The following OTOG variants were observed in gnomAD, a reference collection of about 807,000 sequenced individuals.
OTOG encodes the protein otogelin.
OTOG carries 296 observed loss-of-function variants against 313.8 expected under a neutral mutation model. The ratio of observed to expected loss-of-function variants is 0.94; its 90% CI spans 0.86 to 1.04. OTOG has a LOEUF of 1.04. OTOG is among the 50% of genes least tolerant of loss of function. The pLI is 0.00. For synonymous variants in OTOG, 1,533 were observed against 1,554.9 expected (o/e 0.99, Z 0.33); for missense variants, 3,948 against 3,840.1 (o/e 1.03, Z -0.74).
rs866476223 is a variant in OTOG at position 17,634,218 on chromosome 11, C to T, written c.7417C>T (p.Arg2473Ter). 4.6e-5 allele frequency: 72 copies of T among 1,550,388 alleles called. No homozygotes were observed. Among genetic ancestry groups the T allele is most frequent in the Middle Eastern group, 1.7e-4 (1 of 6,004 alleles). Residue 2473 changes from arginine (R) to a stop codon, truncating the protein, a stop_gained, in exon 44 of 56, where the codon CGA becomes TGA. Coordinates refer to ENST00000399397, the MANE Select transcript of OTOG (RefSeq NM_001292063.2). LOFTEE classifies it high-confidence loss of function. ...CAGTCCCCGCCCTGAGAGCTGCCTG[C>T]GATTCGGGGAGGTGGCCTTGCTCCT... ...CPSPRPESCL[R>*]FGEVALLLPT...
At chr11:17,634,752 C>T (rs1398800074) in intron 44 of OTOG, 92 bp from the exon 45 acceptor site, 2 of 1,094,444 alleles carry the variant, frequency 1.8e-6, no homozygotes, top group East Asian at 2.6e-5. Flanking sequence ...GGCCAGGCGT[C>T]CAGGGGTTGG....
chr11:17,615,539 G>A lies in OTOG; in HGVS notation c.6528+1838G>A, dbSNP rs549904665. On this transcript the variant is annotated intron_variant, in intron 39 of 55. Coordinates refer to ENST00000399397, the MANE Select transcript of OTOG (RefSeq NM_001292063.2). The stretch of plus-strand genomic sequence containing the variant: ...TTTTTGTAAATGGTACAAAGTATGA[G>A]TTGAGGTACATTTTTCAAATGTGAA... Among the ~76,000 whole-genome samples, 6 of 152,326 alleles carry A rather than the reference G, an allele frequency of 3.9e-5. No homozygotes were observed. In the East Asian group the frequency reaches 1.2e-3, roughly 29 times the overall value.
At chr11:17,567,756 C>G (rs919833111) in intron 15 of OTOG, among the ~76,000 whole-genome samples, 6 of 152,274 alleles carry the variant, frequency 3.9e-5, no homozygotes, top group African/African-American at 1.4e-4. Flanking sequence ...ACAAGTTGTT[C>G]CTTTTGCCTG....
Position 17,596,098 on chromosome 11 carries a change from G to C in OTOG, c.3469G>C (p.Ala1157Pro). 6.4e-7 allele frequency: 1 copy of C among 1,550,784 alleles called. No individual in the cohort carries two copies. Among genetic ancestry groups the C allele is most frequent in the Non-Finnish European group, 8.7e-7 (1 of 1,147,042 alleles). Reference sequence around the variant, plus strand: ...CCTGAATCCTCTCCGAGAACCATTTGCCAAGAAGGAGTGCAGCATCCTGCT... The same window carrying C: ...CCTGAATCCTCTCCGAGAACCATTTCCCAAGAAGGAGTGCAGCATCCTGCT... ...CVLNPLREPF[A>P]KKECSILLSE... The change falls in exon 29 of 56, where the codon GCC (alanine) becomes CCC (proline). Residue 1157 changes from alanine (A) to proline (P), a missense_variant. Physicochemically the swap from Ala to Pro is conservative, Grantham distance 27 (BLOSUM62 -1). Transcript: ENST00000399397.
Position 17,592,038 on chromosome 11 carries a change from T to C in OTOG, c.3006+450T>C, listed in dbSNP as rs116502356. 6.8e-3 allele frequency among the ~76,000 whole-genome samples: 1,028 copies of C among 152,262 alleles called. 5 individuals carry two copies. The highest frequency in any genetic ancestry group is 0.019 in the African/African-American group (791 of 41,536). On this transcript the variant is annotated intron_variant, in intron 25 of 55. Coordinates refer to ENST00000399397, the MANE Select transcript of OTOG (RefSeq NM_001292063.2). ...CCCAAGGTCACACAGCAGTCAGTGGTAGAGCTGGGGTCAAGTTTGACCAAG... is the reference window on the plus strand; with the variant it reads ...CCCAAGGTCACACAGCAGTCAGTGGCAGAGCTGGGGTCAAGTTTGACCAAG...
intron 17 of OTOG, chr11:17,570,673 C>A (rs984090392): frequency 1.7e-5 from 5 of 300,338 alleles, no homozygotes; most frequent in Middle Eastern, 9.2e-4. Flanking sequence ...TTTTGATAAG[C>A]ACCTCTAAGA....
rs1429992158 is a variant in OTOG at position 17,634,896 on chromosome 11, C to T, written c.7533C>T (p.His2511=). 5 of 1,549,510 alleles carry T rather than the reference C, an allele frequency of 3.2e-6. No homozygotes were observed. The South Asian group carries it at 6.0e-5, about 18-fold the overall frequency. ...TCGCCCCCACATGCCGCCCAGGCCACCGCCTCCTCACCCACTTCCAGGAGG... is the reference window on the plus strand; with the variant it reads ...TCGCCCCCACATGCCGCCCAGGCCATCGCCTCCTCACCCACTTCCAGGAGG... The part of the protein sequence containing the change: ...EGLAPTCRPG[H]RLLTHFQEDS... Residue 2511 remains histidine, a synonymous_variant, in exon 45 of 56, where the codon CAC becomes CAT. Transcript: ENST00000399397.
chr11:17,576,982 C>A, intron 22 of OTOG, 71 bp downstream of exon 22: 1 of 1,448,382 alleles, frequency 6.9e-7, no homozygotes, highest in Non-Finnish European at 9.3e-7. Context: ...GAGTGGAGCA[C>A]TGATCAGGCT....
chr11:17,618,937 C>G (rs1217059656), intron 39 of OTOG, among the ~76,000 whole-genome samples: 1 of 151,982 alleles, frequency 6.6e-6, no homozygotes, highest in African/African-American at 2.4e-5. Context: ...CTTTTTTAAT[C>G]CTTTTACTTT....
intron 39 of OTOG, among the ~76,000 whole-genome samples, chr11:17,626,329 T>C (rs1375915356): frequency 6.6e-6 from 1 of 152,122 alleles, no homozygotes; most frequent in Non-Finnish European, 1.5e-5. Context: ...GTGTACACCA[T>C]CACACCTGGC....
intron 15 of OTOG, among the ~76,000 whole-genome samples, chr11:17,562,102 C>T (rs1852202845): frequency 6.9e-6 from 1 of 145,168 alleles, no homozygotes; most frequent in Non-Finnish European, 1.5e-5. Context: ...ACACTGGCAC[C>T]TACTTTTAAA....
chr11:17,632,154 G>T lies in OTOG; in HGVS notation c.7000G>T (p.Ala2334Ser), dbSNP rs1854144934. 6.4e-7 allele frequency: 1 copy of T among 1,550,962 alleles called. No individual in the cohort carries two copies. The highest frequency in any genetic ancestry group is 1.4e-5 in the African/African-American group (1 of 73,052). Residue 2334 changes from alanine to serine, a missense_variant, in exon 42 of 56, where the codon GCC becomes TCC. Physicochemically the swap from Ala to Ser is moderately conservative, Grantham distance 99. Transcript: ENST00000399397. Reference sequence around the variant, plus strand: ...CAAGTACGTGCAGCAGCCCTGCGTGGCCCTGACTGTGTACGTGGCCATGTG... The same window carrying T: ...CAAGTACGTGCAGCAGCCCTGCGTGTCCCTGACTGTGTACGTGGCCATGTG... ...DTKYVQQPCV[A>S]LTVYVAMCHK... is the part of the protein sequence containing the mutation.
intron 23 of OTOG, among the ~76,000 whole-genome samples, chr11:17,579,341 A>T (rs1852612934): frequency 6.6e-6 from 1 of 152,130 alleles, no homozygotes; most frequent in Admixed American, 6.5e-5. Context: ...TGCTTCTAAG[A>T]CACTTTCATG....
In OTOG at chr11:17,586,603, GC is replaced by G. The variant is rs1039623949; in HGVS notation, c.2867+23del. The G allele has an allele frequency of 3.7e-6, 5 of 1,334,234 alleles. No homozygotes were observed. In the African/African-American group the frequency reaches 7.6e-5, roughly 20 times the overall value. 82.6% of individuals were successfully genotyped at this position (1,334,234 alleles called of 1,614,324 possible). On this transcript the variant is annotated intron_variant, in intron 24 of 55. Coordinates refer to ENST00000399397, the MANE Select transcript of OTOG (RefSeq NM_001292063.2). ...CCTGGTAAGTGAGGGTCCCAAGCAGGCTTTGCTTTTTTGCTGGGAGGGGGCA... is the reference window on the plus strand; with the variant it reads ...CCTGGTAAGTGAGGGTCCCAAGCAGGTTTGCTTTTTTGCTGGGAGGGGGCA...
intron 39 of OTOG, among the ~76,000 whole-genome samples, chr11:17,622,254 G>A (rs775153917): frequency 1.3e-5 from 2 of 152,154 alleles, no homozygotes; most frequent in African/African-American, 2.4e-5. Flanking sequence ...TGGGTAGATA[G>A]TAGGTATATA....
In OTOG at chr11:17,555,891, GCATGAGGTAACTC is replaced by G; in HGVS notation, c.654_659+7del. 1 of 1,550,240 alleles carries G rather than the reference GCATGAGGTAACTC, an allele frequency of 6.5e-7. No individual in the cohort carries two copies. Among genetic ancestry groups the G allele is most frequent in the Non-Finnish European group, 8.7e-7 (1 of 1,146,306 alleles). ...CTGGCCAAGGAGGTCACCCATGGAG[GCATGAGGTAACTC>G]TAACACCTTCCACATCGAGCTGTCC... On this transcript the variant is annotated splice_donor_variant and splice_donor_5th_base_variant and coding_sequence_variant and intron_variant, in exon 7 of 56. Transcript: ENST00000399397. LOFTEE classifies it high-confidence loss of function.
rs1853520117 is a variant in OTOG, at chr11:17,610,939, C to G, written c.5639C>G (p.Ala1880Gly). 6.4e-7 allele frequency: 1 copy of G among 1,550,508 alleles called. No individual in the cohort carries two copies. The highest frequency in any genetic ancestry group is 8.7e-7 in the Non-Finnish European group (1 of 1,146,972). Residue 1880 changes from alanine (A) to glycine (G), a missense_variant, in exon 36 of 56, where the codon GCC becomes GGC. Ala to Gly is a moderately conservative substitution (Grantham distance 60). Coordinates refer to ENST00000399397, the MANE Select transcript of OTOG (RefSeq NM_001292063.2). ...ACAGCTCCAGGCCTGCTGCTGGGAG[C>G]CACATTGCCAACCTCTGGAGTCCTG... ...AGTAPGLLLG[A>G]TLPTSGVLPV...
intron 39 of OTOG, among the ~76,000 whole-genome samples, chr11:17,622,221 C>A (rs926152234): frequency 6.6e-6 from 1 of 152,046 alleles, no homozygotes; most frequent in Non-Finnish European, 1.5e-5. Context: ...ACAGTCTAAT[C>A]CTTTTTTAAT....
At chr11:17,612,802 G>C in intron 38 of OTOG, 37 bp downstream of exon 38, 1 of 1,542,950 alleles carries the variant, frequency 6.5e-7, no homozygotes, top group Non-Finnish European at 8.8e-7. Context: ...CTGGGGACTA[G>C]GAATGGGACT....
Sources: gnomAD v4.1 joint callset for allele counts (sites outside exome capture counted in the v4.1 genomes callset) on GRCh38, gnomAD v4.1.1 for gene constraint, MANE v1.5 for transcripts, NCBI Gene and HGNC (gene_info 2026-07-23, HGNC 2026-07-21) for gene names.